Variants in NUDT5 observed in about 807,000 individuals in gnomAD.
The protein encoded by NUDT5 is ADP-sugar pyrophosphatase.
Under a neutral mutation model 34.1 loss-of-function variants are expected in NUDT5, and 21 were observed. That is an observed-to-expected ratio of 0.62 (90% CI 0.44 to 0.89). The LOEUF is 0.89. Among genes scored for constraint, NUDT5 ranks in the 40% least tolerant of loss-of-function variants. NUDT5 has a pLI of 0.00. For synonymous variants in NUDT5, 85 were observed against 97.6 expected, an observed-to-expected ratio of 0.87 and a Z score of 0.76; for missense variants, 249 against 274.8, an observed-to-expected ratio of 0.91 and a Z score of 0.66.
At chr10:12,188,668 T>C (rs1221602597) in intron 1 of NUDT5, among the ~76,000 whole-genome samples, 82 of 144,936 alleles carry the variant, frequency 5.7e-4, no homozygotes, top group African/African-American at 2.1e-3. Context: ...GAGATGGAGG[T>C]TGCAGTGAGC....
chr10:12,178,024 G>T, intron 4 of NUDT5, 124 bp from the exon 5 acceptor site: 2 of 598,298 alleles, frequency 3.3e-6, no homozygotes. Context: ...TACAATACTG[G>T]CAGTTAATAT....
chr10:12,191,635 C>T (rs368414081), intron 1 of NUDT5, among the ~76,000 whole-genome samples: 191 of 152,238 alleles, frequency 1.3e-3, no homozygotes, highest in Non-Finnish European at 1.9e-3. Flanking sequence ...CCTATAGTCC[C>T]GGCTACTTGT....
Position 12,170,733 on chromosome 10 carries a change from C to T in NUDT5, c.534G>A (p.Leu178=). The T allele has an allele frequency of 6.2e-7, 1 of 1,613,912 alleles. No individual in the cohort carries two copies. Among genetic ancestry groups the T allele is most frequent in the Middle Eastern group, 1.7e-4 (1 of 5,842 alleles). The stretch of plus-strand genomic sequence containing the variant: ...AATGCTTACCATCAAGTCTCTGCAG[C>T]AGGTCATTCTTGGGTAAAGAAATGA... The part of the protein sequence containing the change: ...VEVISLPKND[L]LQRLDALVAE... The change falls in exon 9 of 10, where the codon CTG becomes CTA. Residue 178 remains leucine (L), a synonymous_variant. Transcript: ENST00000491614. This position sits in a 1 kb window ranked among gnomAD's most constrained non-coding sequence, Gnocchi z 4.9.
At chr10:12,194,341 T>G (rs1435260602) in intron 1 of NUDT5, among the ~76,000 whole-genome samples, 1 of 152,242 alleles carries the variant, frequency 6.6e-6, no homozygotes, top group East Asian at 1.9e-4. Flanking sequence ...ATTTTTTACT[T>G]TCTAAGTCAA....
rs772339331 is a variant in NUDT5 at position 12,182,608 on chromosome 10, G to A, written c.131+2281C>T. On this transcript the variant is annotated intron_variant, in intron 3 of 9. Transcript: ENST00000491614. This position sits in a 1 kb window ranked among gnomAD's most constrained non-coding sequence, Gnocchi z 4.3. ...CCCAATCTACTGAAATAGATATTCT[G>A]AAGTGAGATTTCGTCGTATTTTCAG... Among the ~76,000 whole-genome samples the A allele has an allele frequency of 3.9e-5, 6 of 152,188 alleles. No individual in the cohort carries two copies. Among genetic ancestry groups the A allele is most frequent in the Non-Finnish European group, 7.3e-5 (5 of 68,038 alleles).
At chr10:12,194,170 C>A (rs994125950) in intron 1 of NUDT5, among the ~76,000 whole-genome samples, 15 of 152,226 alleles carry the variant, frequency 9.9e-5, no homozygotes, top group African/African-American at 3.4e-4. Context: ...GCACCGCGCC[C>A]GGCCTATGCT....
chr10:12,186,443 C>T (rs1046039428), intron 1 of NUDT5, 111 bp from the exon 2 acceptor site: 4 of 642,164 alleles, frequency 6.2e-6, no homozygotes, highest in Middle Eastern at 2.5e-4. Context: ...CTACCATCAA[C>T]GCTGCCTGTC....
intron 1 of NUDT5, among the ~76,000 whole-genome samples, chr10:12,191,880 C>T (rs1835236643): frequency 6.6e-6 from 1 of 151,972 alleles, no homozygotes; most frequent in African/African-American, 2.4e-5. Context: ...GTTTAGATTC[C>T]AGAAGTTAAA....
Position 12,188,996 on chromosome 10 carries a change from C to G in NUDT5, c.-41-2664G>C, listed in dbSNP as rs75678593. ...ACCTGAAAGCAATAAGGAAGTAAAC[C>G]ACGTAGAAGTTTAAATATTTAGAGA... On this transcript the variant is annotated intron_variant, in intron 1 of 9. Coordinates refer to ENST00000491614, the MANE Select transcript of NUDT5 (RefSeq NM_014142.4). Among the ~76,000 whole-genome samples the G allele has an allele frequency of 8.2e-3, 1,247 of 152,288 alleles. 48 individuals are homozygous for G. In the East Asian group the frequency reaches 0.1, roughly 12 times the overall value.
At chr10:12,185,896 C>A (rs12260965) in intron 2 of NUDT5, among the ~76,000 whole-genome samples, 73,469 of 152,058 alleles carry the variant, frequency 0.48, 17,941 homozygotes, top group Middle Eastern at 0.58. Context: ...GTTAGGCCAT[C>A]AACAGCCAAG....
chr10:12,193,781 A>G (rs900280111), intron 1 of NUDT5, among the ~76,000 whole-genome samples: 1 of 152,182 alleles, frequency 6.6e-6, no homozygotes, highest in African/African-American at 2.4e-5. Context: ...TGTAGTATCT[A>G]TATATTTAAG....
At chr10:12,191,046 G>A (rs1440565799) in intron 1 of NUDT5, among the ~76,000 whole-genome samples, 4 of 152,246 alleles carry the variant, frequency 2.6e-5, no homozygotes, top group South Asian at 2.1e-4. Context: ...AGTGTATGGC[G>A]AGCTCTGTGG....
At chr10:12,184,400 G>T in intron 3 of NUDT5, 1 of 1,111,494 alleles carries the variant, frequency 9.0e-7, no homozygotes, top group East Asian at 2.7e-5. Context: ...CGGTCAAAGG[G>T]TACAGTATCT....
intron 1 of NUDT5, among the ~76,000 whole-genome samples, chr10:12,193,276 A>G (rs998961069): frequency 1.3e-5 from 2 of 152,240 alleles, no homozygotes; most frequent in African/African-American, 4.8e-5. Flanking sequence ...GGGGTGATGC[A>G]GAGCTCAAAT....
intron 1 of NUDT5, among the ~76,000 whole-genome samples, 154 bp from the exon 2 acceptor site, chr10:12,186,486 T>C (rs1835131419): frequency 6.6e-6 from 1 of 152,150 alleles, no homozygotes; most frequent in South Asian, 2.1e-4. Flanking sequence ...CAGGTGGAAA[T>C]GTGAACAGGG....
intron 2 of NUDT5, 42 bp from the exon 3 acceptor site, chr10:12,184,998 A>T: frequency 9.2e-7 from 1 of 1,090,966 alleles, no homozygotes. Context: ...CTTTCAAACC[A>T]AGTTGTTTTT....
In NUDT5 at chr10:12,168,213, C is replaced by T. The variant is rs1446685941; in HGVS notation, c.551-402G>A. On this transcript the variant is annotated intron_variant, in intron 9 of 9. Coordinates refer to ENST00000491614, the MANE Select transcript of NUDT5 (RefSeq NM_014142.4). The surrounding 1 kb of genome is among the most constrained non-coding windows in gnomAD (Gnocchi z 4.8). ...CTAATTTTTGTATTTTTAGTAGAGACGGGGTTTTTGCCATGTTGGCCAGGA... is the reference window on the plus strand; with the variant it reads ...CTAATTTTTGTATTTTTAGTAGAGATGGGGTTTTTGCCATGTTGGCCAGGA... Among the ~76,000 whole-genome samples, 1 of 151,994 alleles carries T rather than the reference C, an allele frequency of 6.6e-6. No individual in the cohort carries two copies. The highest frequency in any genetic ancestry group is 1.5e-5 in the Non-Finnish European group (1 of 67,992).
chr10:12,191,666 C>T (rs1024352764), intron 1 of NUDT5, among the ~76,000 whole-genome samples: 5 of 152,184 alleles, frequency 3.3e-5, no homozygotes, highest in Admixed American at 6.5e-5. Flanking sequence ...GTGGGAGGAT[C>T]GCTTGAGCTG....
intron 5 of NUDT5, 75 bp downstream of exon 5, chr10:12,177,718 A>T: frequency 1.9e-6 from 2 of 1,060,878 alleles, no homozygotes; most frequent in Non-Finnish European, 2.9e-6. Flanking sequence ...TGCAGAGCTG[A>T]GCTTTGCAGT....
Sources: allele counts gnomAD v4.1 joint callset (sites outside exome capture counted in the v4.1 genomes callset), GRCh38; gene constraint gnomAD v4.1.1; non-coding constraint Gnocchi (gnomAD v3.1); transcripts MANE v1.5; gene names NCBI Gene and HGNC (gene_info 2026-07-23, HGNC 2026-07-21).